TFR2: variants seen among roughly 807,000 people sequenced by gnomAD.
TFR2 encodes the protein transferrin receptor 2.
A neutral mutation model predicts 91.9 loss-of-function variants in TFR2; 64 were observed. The observed-to-expected ratio is 0.70, with a 90% CI of 0.57 to 0.86. The LOEUF (loss-of-function observed/expected upper bound fraction) is 0.86, where lower values mean the gene tolerates loss of function less well. TFR2 is among the 40% of genes least tolerant of loss of function. The pLI is 0.00. For synonymous variants in TFR2, 454 were observed against 459.6 expected, an observed-to-expected ratio of 0.99 and a Z score of 0.15; for missense variants, 950 against 1,080.5, an observed-to-expected ratio of 0.88 and a Z score of 1.69.
chr7:100,626,790 T>A lies in TFR2; in HGVS notation c.2109A>T (p.Thr703=). ...YSSEERDERL[T]RMYNVRIMRV... is the part of the protein sequence containing the mutation. ...GCATTATGCGCACGTTGTACATGCG[T>A]GTCAGTCGCTCGTCTCTCTCCTCCG... Residue 703 remains threonine (T), a synonymous_variant, in exon 17 of 18, where the codon ACA becomes ACT. Transcript: ENST00000223051. The A allele has an allele frequency of 1.3e-6, 2 of 1,547,850 alleles. No individual in the cohort carries two copies. The highest frequency in any genetic ancestry group is 1.7e-6 in the Non-Finnish European group (2 of 1,146,872).
intron 17 of TFR2, among the ~76,000 whole-genome samples, chr7:100,624,204 C>T (rs530553778): frequency 3.3e-5 from 5 of 152,302 alleles, no homozygotes; most frequent in African/African-American, 9.6e-5. Context: ...CACAGTTGAT[C>T]GATAACACCA....
At chr7:100,624,696 T>C (rs1221907032) in intron 17 of TFR2, among the ~76,000 whole-genome samples, 1 of 151,926 alleles carries the variant, frequency 6.6e-6, no homozygotes, top group Non-Finnish European at 1.5e-5. Flanking sequence ...TGAGATCCCA[T>C]CTCTACAAAA....
intron 9 of TFR2, 111 bp downstream of exon 9, chr7:100,630,778 C>T: frequency 1.3e-6 from 2 of 1,492,946 alleles, no homozygotes; most frequent in South Asian, 2.3e-5. Flanking sequence ...GGGCACCACT[C>T]CTGTCCCCTC....
At chr7:100,629,084 G>A (rs558921670) in intron 10 of TFR2, among the ~76,000 whole-genome samples, 169 bp downstream of exon 10, 32 of 152,266 alleles carry the variant, frequency 2.1e-4, no homozygotes, top group Non-Finnish European at 4.1e-4. Flanking sequence ...TTTAGGTGAC[G>A]AAATAGAGGT....
chr7:100,624,108 C>T (rs1410868465), intron 17 of TFR2, among the ~76,000 whole-genome samples: 1 of 151,928 alleles, frequency 6.6e-6, no homozygotes. Context: ...TTGCTCACAT[C>T]ACCTCTCTGC....
intron 9 of TFR2, among the ~76,000 whole-genome samples, chr7:100,630,359 G>A (rs1361766800): frequency 2.0e-5 from 3 of 151,040 alleles, no homozygotes; most frequent in Non-Finnish European, 2.9e-5. Flanking sequence ...GCACAATCTC[G>A]GCTCACAGCA....
Position 100,627,568 on chromosome 7 carries a change from A to G in TFR2, c.1767+9T>C, listed in dbSNP as rs1176257225. On this transcript the variant is annotated intron_variant, in intron 15 of 17. Transcript: ENST00000223051. ...GCGCTGTGTCTGGGGCAGGGGGAGG[A>G]CGTCTCACCTCCATAAAGGAGAACT... 6.2e-7 allele frequency: 1 copy of G among 1,614,052 alleles called. No individual in the cohort carries two copies. Among genetic ancestry groups the G allele is most frequent in the South Asian group, 1.1e-5 (1 of 91,080 alleles).
intron 3 of TFR2, 111 bp downstream of exon 3, chr7:100,640,575 T>C: frequency 7.7e-7 from 1 of 1,294,916 alleles, no homozygotes; most frequent in Non-Finnish European, 1.1e-6. Flanking sequence ...ATGGGAGGAC[T>C]CAGGAGGGGG....
At position 100,627,786 on chromosome 7, in the gene TFR2, TAGAG is replaced by T. The variant is rs1803309728; in HGVS notation, c.1636_1639del (p.Leu546MetfsTer15). 1 of 1,613,740 alleles carries T rather than the reference TAGAG, an allele frequency of 6.2e-7. No homozygotes were observed. Among genetic ancestry groups the T allele is most frequent in the African/African-American group, 1.3e-5 (1 of 74,818 alleles). On this transcript the variant is annotated frameshift_variant, in exon 14 of 18. Transcript: ENST00000223051. LOFTEE classifies it high-confidence loss of function. ...GGGATTGGTGAACACCACCTGTTCA[TAGAG>T]AGTCTGCCCACTGTGGTTGGGAGAA...
chr7:100,620,679 TG>T lies in TFR2; in HGVS notation c.*177del. 1.3e-6 allele frequency: 1 copy of T among 772,774 alleles called. No homozygotes were observed. The highest frequency in any genetic ancestry group is 2.1e-6 in the Non-Finnish European group (1 of 477,084). The allele number at this position is 772,774 out of a possible 1,614,324, so 47.9% of individuals were successfully genotyped here. On this transcript the variant is annotated 3_prime_UTR_variant, in exon 18 of 18. Transcript: ENST00000223051. ...ATTAGGGTCAGCTACACTGCAGGGCTGGGGTGTGTGGATATCTGTGCTGGGG... is the reference window on the plus strand; with the variant it reads ...ATTAGGGTCAGCTACACTGCAGGGCTGGGTGTGTGGATATCTGTGCTGGGG...
At chr7:100,628,916 T>A (rs1310406807) in intron 10 of TFR2, among the ~76,000 whole-genome samples, 1 of 151,922 alleles carries the variant, frequency 6.6e-6, no homozygotes, top group African/African-American at 2.4e-5. Context: ...ACAGGCGCCC[T>A]CCACCACGCC....
At chr7:100,633,179 G>T in intron 5 of TFR2, 50 bp downstream of exon 5, 1 of 1,612,868 alleles carries the variant, frequency 6.2e-7, no homozygotes, top group Non-Finnish European at 8.5e-7. Flanking sequence ...CGAGACCCAG[G>T]AAAGGGCTCG....
chr7:100,640,494 C>T (rs1455179714), intron 3 of TFR2, 192 bp downstream of exon 3: 1 of 646,478 alleles, frequency 1.5e-6, no homozygotes, highest in Non-Finnish European at 2.6e-6. Flanking sequence ...GAGCCTCAGT[C>T]CCCTGGAACC....
At chr7:100,628,381 G>T (rs1803329771) in intron 10 of TFR2, 75 bp from the exon 11 acceptor site, 1 of 1,381,682 alleles carries the variant, frequency 7.2e-7, no homozygotes, top group Admixed American at 1.8e-5. Flanking sequence ...CTTCTGTCCT[G>T]GTCCCCCAGG....
chr7:100,636,086 A>C (rs1441525914), intron 3 of TFR2, among the ~76,000 whole-genome samples: 1 of 151,952 alleles, frequency 6.6e-6, no homozygotes, highest in Non-Finnish European at 1.5e-5. Context: ...GATGCCCCAA[A>C]ATACTTGTTG....
At position 100,640,810 on chromosome 7, in the gene TFR2, C is replaced by A. The variant is rs1377241802; in HGVS notation, c.349G>T (p.Val117Leu). 6.2e-7 allele frequency: 1 copy of A among 1,614,190 alleles called. No homozygotes were observed. Among genetic ancestry groups the A allele is most frequent in the Non-Finnish European group, 8.5e-7 (1 of 1,180,034 alleles). Reference sequence around the variant, plus strand: ...TCATAGTTGACATCCTCACTGACCACCAACACAGAGTCTCCGCACGCCTGG... The same window carrying A: ...TCATAGTTGACATCCTCACTGACCAACAACACAGAGTCTCCGCACGCCTGG... ...SCQACGDSVL[V>L]VSEDVNYEPD... Residue 117 changes from valine (V) to leucine (L), a missense_variant, in exon 3 of 18, where the codon GTG becomes TTG. Physicochemically the swap from Val to Leu is conservative, Grantham distance 32 (BLOSUM62 1). Coordinates refer to ENST00000223051, the MANE Select transcript of TFR2 (RefSeq NM_003227.4).
chr7:100,634,361 TC>T (rs2131322070), intron 3 of TFR2, among the ~76,000 whole-genome samples: 1 of 152,238 alleles, frequency 6.6e-6, no homozygotes, highest in South Asian at 2.1e-4. Context: ...GCTCAAGCCA[TC>T]CTCCCGCCTC....
At chr7:100,621,170 C>T (rs369279665) in intron 17 of TFR2, 44 bp from the exon 18 acceptor site, 7 of 1,447,062 alleles carry the variant, frequency 4.8e-6, no homozygotes, top group African/African-American at 1.4e-5. Flanking sequence ...GGCTCTGGCT[C>T]GGGAGCAAAG....
At chr7:100,640,510 T>A (rs988225325) in intron 3 of TFR2, 176 bp downstream of exon 3, 4 of 699,118 alleles carry the variant, frequency 5.7e-6, no homozygotes, top group Admixed American at 5.8e-5. Context: ...GAACCTCAGC[T>A]CCGAATGCCT....
Sources: allele counts gnomAD v4.1 joint callset (sites outside exome capture counted in the v4.1 genomes callset), GRCh38; gene constraint gnomAD v4.1.1; transcripts MANE v1.5; gene names NCBI Gene and HGNC (gene_info 2026-07-23, HGNC 2026-07-21).